The following MPP7 variants were observed in gnomAD, a reference collection of about 807,000 sequenced individuals.
The protein encoded by MPP7 is MAGUK p55 subfamily member 7.
MPP7 carries 60 observed loss-of-function variants against 76.5 expected under a neutral mutation model. The observed-to-expected ratio is 0.78, with a 90% confidence interval of 0.64 to 0.97. The LOEUF is 0.97. Among genes scored for constraint, MPP7 ranks in the 50% least tolerant of loss-of-function variants. MPP7 has a pLI of 0.00. For synonymous variants in MPP7, 237 were observed against 244.5 expected, an observed-to-expected ratio of 0.97 and a Z score of 0.29; for missense variants, 641 against 694.0, an observed-to-expected ratio of 0.92 and a Z score of 0.86.
chr10:28,244,161 A>G (rs2132794095), intron 1 of MPP7, among the ~76,000 whole-genome samples: 1 of 152,274 alleles, frequency 6.6e-6, no homozygotes, highest in South Asian at 2.1e-4. Flanking sequence ...AATGAGGGCC[A>G]AGTTTGCTGA....
intron 12 of MPP7, among the ~76,000 whole-genome samples, chr10:28,084,598 C>T (rs1204430320): frequency 6.6e-6 from 1 of 152,136 alleles, no homozygotes; most frequent in Non-Finnish European, 1.5e-5. Context: ...AGGAGAAGGG[C>T]AGGAGCTCCT....
At chr10:28,116,318 C>A (rs1391580826) in intron 11 of MPP7, among the ~76,000 whole-genome samples, 2 of 152,018 alleles carry the variant, frequency 1.3e-5, no homozygotes, top group Non-Finnish European at 2.9e-5. Context: ...TACATGCAAC[C>A]AAACTATAAA....
At chr10:28,227,273 G>T (rs59522138) in intron 2 of MPP7, among the ~76,000 whole-genome samples, 1 of 152,072 alleles carries the variant, frequency 6.6e-6, no homozygotes, top group African/African-American at 2.4e-5. Flanking sequence ...AGAACAGCTT[G>T]AGGTCAACTA....
At position 28,062,498 on chromosome 10, in the gene MPP7, AG is replaced by A. The variant is rs1406564508; in HGVS notation, c.1205-2756del. On this transcript the variant is annotated intron_variant, in intron 13 of 16. Coordinates refer to ENST00000683449, the MANE Select transcript of MPP7 (RefSeq NM_001318170.2). ...ACAAACAGAAAACAAATAATAAAAT[AG>A]TAGCTTAAATTCAATCATTTCCATA... Among the ~76,000 whole-genome samples, 3 of 151,548 alleles carry A rather than the reference AG, an allele frequency of 2.0e-5. No homozygotes were observed. The East Asian group carries it at 5.8e-4, about 29-fold the overall frequency.
At chr10:28,314,269 T>C (rs921469177) in intron 2 of MPP7, among the ~76,000 whole-genome samples, 11 of 152,318 alleles carry the variant, frequency 7.2e-5, no homozygotes, top group Middle Eastern at 3.4e-3. Flanking sequence ...CCAAAATCCA[T>C]AGCCTCTCAG....
At chr10:28,166,770 A>G (rs1013319886) in intron 3 of MPP7, among the ~76,000 whole-genome samples, 1 of 152,042 alleles carries the variant, frequency 6.6e-6, no homozygotes, top group Non-Finnish European at 1.5e-5. Flanking sequence ...TCAACAATAT[A>G]TTGTTCTGTT....
intron 1 of MPP7, among the ~76,000 whole-genome samples, chr10:28,239,803 C>T (rs1459096015): frequency 2.0e-5 from 3 of 152,152 alleles, no homozygotes; most frequent in Non-Finnish European, 4.4e-5. Context: ...CTGTGATCTT[C>T]AACAAGGTAT....
rs1333232025 is a variant in MPP7, at chr10:28,302,844, C to T, written c.-132+17G>A. ...GCCCTGGGCTCCGACAGGCGCTCCC[C>T]AGAGGCGCCCCATTACCTGCTCTGG... On this transcript the variant is annotated intron_variant, in intron 1 of 16. Transcript: ENST00000683449. 6.6e-6 allele frequency among the ~76,000 whole-genome samples: 1 copy of T among 152,142 alleles called. No homozygotes were observed. The highest frequency in any genetic ancestry group is 1.5e-5 in the Non-Finnish European group (1 of 68,010).
Position 28,115,471 on chromosome 10 carries a change from G to A in MPP7, c.952+4180C>T, listed in dbSNP as rs997425287. ...AAGACCCCACCAATATTAAGAAAAT[G>A]TTTGACAATGTTTTAGACATACAAA... On this transcript the variant is annotated intron_variant, in intron 11 of 16. Transcript: ENST00000683449. 2.0e-5 allele frequency among the ~76,000 whole-genome samples: 3 copies of A among 152,120 alleles called. No individual in the cohort carries two copies. The South Asian group carries it at 6.2e-4, about 32-fold the overall frequency.
intron 11 of MPP7, among the ~76,000 whole-genome samples, chr10:28,109,282 C>T (rs1405838599): frequency 6.6e-6 from 1 of 151,932 alleles, no homozygotes; most frequent in Non-Finnish European, 1.5e-5. Context: ...AGTGAGACTC[C>T]ATCTCAAAAA....
chr10:28,052,148 G>C lies in MPP7; in HGVS notation c.*1917C>G, dbSNP rs1050379934. 8 of 151,938 alleles carry C rather than the reference G, an allele frequency of 5.3e-5. No individual in the cohort carries two copies. The highest frequency in any genetic ancestry group is 1.9e-4 in the African/African-American group (8 of 41,358). 9.4% of individuals were successfully genotyped at this position (151,938 alleles called of 1,614,324 possible). A position where few individuals can be genotyped will look rare whatever the true frequency, so the allele number is the denominator to read the frequency against. On this transcript the variant is annotated 3_prime_UTR_variant, in exon 17 of 17. Coordinates refer to ENST00000683449, the MANE Select transcript of MPP7 (RefSeq NM_001318170.2). ...TTTTTTTAAAATGTGGGTATTTCAG[G>C]GTAAAGAATTTGGACTGCCTAAATT...
chr10:28,161,323 CA>C (rs1322840909), intron 3 of MPP7, among the ~76,000 whole-genome samples: 1 of 152,052 alleles, frequency 6.6e-6, no homozygotes, highest in Non-Finnish European at 1.5e-5. Flanking sequence ...GTAGCATGTC[CA>C]AAAAACAGCG....
rs577867557 is a variant in MPP7, at chr10:28,088,485, C to T, written c.1123+1186G>A. On this transcript the variant is annotated intron_variant, in intron 12 of 16. Coordinates refer to ENST00000683449, the MANE Select transcript of MPP7 (RefSeq NM_001318170.2). ...CTCTCCCCTGCTGCCATGTGAAGCC[C>T]GCTCCTGTTTCCCCTTCACCTTCTG... 2.8e-4 allele frequency among the ~76,000 whole-genome samples: 43 copies of T among 152,240 alleles called. 1 individual carries two copies. In the South Asian group the frequency reaches 8.3e-3, roughly 29 times the overall value.
intron 2 of MPP7, among the ~76,000 whole-genome samples, chr10:28,222,195 C>A (rs7085924): frequency 0.17 from 26,129 of 149,384 alleles, 2,570 homozygotes; most frequent in African/African-American, 0.26. Flanking sequence ...ATTTGTACTA[C>A]GATTAAAAAA....
chr10:28,301,592 T>G (rs955539118), intron 1 of MPP7, among the ~76,000 whole-genome samples: 19 of 152,182 alleles, frequency 1.2e-4, no homozygotes, highest in African/African-American at 4.6e-4. Flanking sequence ...GATTTTGGAT[T>G]AAATCCATTA....
chr10:28,183,377 A>G (rs1347733594), intron 3 of MPP7, among the ~76,000 whole-genome samples: 1 of 152,226 alleles, frequency 6.6e-6, no homozygotes, highest in East Asian at 1.9e-4. Context: ...GGGAAAGAAA[A>G]GTTAGAAAAC....
At chr10:28,316,543 A>G (rs776307734) in intron 2 of MPP7, among the ~76,000 whole-genome samples, 1 of 151,240 alleles carries the variant, frequency 6.6e-6, no homozygotes, top group Non-Finnish European at 1.5e-5. Flanking sequence ...TTCATTAATT[A>G]TAACAAATGC....
At chr10:28,293,847 T>C (rs1289686255) in intron 1 of MPP7, among the ~76,000 whole-genome samples, 1 of 152,144 alleles carries the variant, frequency 6.6e-6, no homozygotes, top group African/African-American at 2.4e-5. Flanking sequence ...ACAAATAAGA[T>C]AATGATAAGA....
At chr10:28,138,308 A>T (rs1289329201) in intron 5 of MPP7, among the ~76,000 whole-genome samples, 1 of 152,160 alleles carries the variant, frequency 6.6e-6, no homozygotes, top group South Asian at 2.1e-4. Flanking sequence ...CTTCCCCTAG[A>T]AACAAAGTCT....
Sources: gnomAD v4.1 joint callset for allele counts (sites outside exome capture counted in the v4.1 genomes callset) on GRCh38, gnomAD v4.1.1 for gene constraint, MANE v1.5 for transcripts, NCBI Gene and HGNC (gene_info 2026-07-23, HGNC 2026-07-21) for gene names.